ZBTB7C: variants seen among roughly 807,000 people sequenced by gnomAD.
ZBTB7C encodes the protein zinc finger and BTB domain-containing protein 7C.
A neutral mutation model predicts 25.7 loss-of-function variants in ZBTB7C; 8 were observed. That is an observed-to-expected ratio of 0.31 (90% CI 0.18 to 0.56). The LOEUF is 0.56. ZBTB7C is among the 20% of genes least tolerant of loss of function. The pLI, the probability that ZBTB7C is intolerant of heterozygous loss-of-function variation, is 0.91. For synonymous variants in ZBTB7C, 394 were observed against 369.0 expected (o/e 1.07, Z -0.78); for missense variants, 824 against 855.2 (o/e 0.96, Z 0.46).
At chr18:48,401,752 A>G (rs1415966040) in intron 1 of ZBTB7C, among the ~76,000 whole-genome samples, 1 of 152,020 alleles carries the variant, frequency 6.6e-6, no homozygotes. Flanking sequence ...TGACTCTGTG[A>G]GGCTCCACCC....
intron 1 of ZBTB7C, among the ~76,000 whole-genome samples, chr18:48,398,336 T>C (rs1006174922): frequency 6.6e-6 from 1 of 152,182 alleles, no homozygotes; most frequent in Non-Finnish European, 1.5e-5. Flanking sequence ...CTTACCAGAC[T>C]CTGAAGCCAG....
chr18:48,208,104 A>G (rs1281510221), intron 2 of ZBTB7C, among the ~76,000 whole-genome samples: 1 of 152,290 alleles, frequency 6.6e-6, no homozygotes, highest in East Asian at 1.9e-4. Flanking sequence ...ATAGCCAGGC[A>G]AGGTATAATG....
At chr18:48,186,718 AAGAC>A (rs2042064646) in intron 2 of ZBTB7C, among the ~76,000 whole-genome samples, 1 of 151,996 alleles carries the variant, frequency 6.6e-6, no homozygotes, top group Admixed American at 6.6e-5. Context: ...GTGATGCTTC[AAGAC>A]AGGATGCCCT....
At position 48,040,631 on chromosome 18, in the gene ZBTB7C, T is replaced by TTCCTCC. The variant is rs761290843; in HGVS notation, c.471_476dup (p.Glu161_Glu162dup). The TTCCTCC allele has an allele frequency of 1.2e-6, 2 of 1,610,610 alleles. No individual in the cohort carries two copies. Among genetic ancestry groups the TTCCTCC allele is most frequent in the South Asian group, 1.1e-5 (1 of 90,968 alleles). ...TGTCATCATCGTCATCCTCCTCCTC[T>TTCCTCC]TCCTCCTCCTCCTCTTCGTCCTCCT... On this transcript the variant is annotated inframe_insertion, in exon 4 of 5. Coordinates refer to ENST00000590800, the MANE Select transcript of ZBTB7C (RefSeq NM_001318841.2).
At chr18:48,360,221 T>G (rs2047071746) in intron 1 of ZBTB7C, among the ~76,000 whole-genome samples, 1 of 152,184 alleles carries the variant, frequency 6.6e-6, no homozygotes, top group African/African-American at 2.4e-5. Flanking sequence ...TCTATAAACA[T>G]TTGCACCTCC....
intron 1 of ZBTB7C, among the ~76,000 whole-genome samples, chr18:48,395,809 G>T (rs1185379142): frequency 6.6e-6 from 1 of 152,148 alleles, no homozygotes; most frequent in Non-Finnish European, 1.5e-5. Context: ...TCCAGAATCT[G>T]AGAAGAAGTA....
intron 3 of ZBTB7C, among the ~76,000 whole-genome samples, chr18:48,058,984 G>A (rs960735452): frequency 6.6e-6 from 1 of 152,208 alleles, no homozygotes; most frequent in African/African-American, 2.4e-5. Context: ...CTTCAGGACT[G>A]AAACCACATA....
chr18:48,195,065 A>G (rs2042286453), intron 2 of ZBTB7C, among the ~76,000 whole-genome samples: 1 of 152,204 alleles, frequency 6.6e-6, no homozygotes, highest in Non-Finnish European at 1.5e-5. Context: ...TAGGAGCTAA[A>G]GCCCTGGCAA....
chr18:48,238,140 T>A (rs1007364645), intron 2 of ZBTB7C, among the ~76,000 whole-genome samples: 1 of 151,028 alleles, frequency 6.6e-6, no homozygotes, highest in African/African-American at 2.4e-5. Context: ...GAAGGGGGAG[T>A]TTCCAGCGAT....
intron 2 of ZBTB7C, among the ~76,000 whole-genome samples, chr18:48,321,556 C>T (rs766348384): frequency 1.3e-5 from 2 of 152,230 alleles, no homozygotes; most frequent in Non-Finnish European, 2.9e-5. Flanking sequence ...CAAAGCTGCA[C>T]TGGACTGCTT....
rs1402753666 is a variant in ZBTB7C, at chr18:48,162,230, G to C, written c.-17+23704C>G. 8 of 393,440 alleles carry C rather than the reference G, an allele frequency of 2.0e-5. No homozygotes were observed. The East Asian group carries it at 6.0e-4, about 29-fold the overall frequency. 24.4% of individuals were successfully genotyped at this position (393,440 alleles called of 1,614,324 possible). On this transcript the variant is annotated intron_variant, in intron 3 of 4. Transcript: ENST00000590800. The stretch of plus-strand genomic sequence containing the variant: ...ACCCCTGGCCCCAGCCTCCTTCCCT[G>C]CAGCCTTCTACCTTCTACCGGAAAC...
chr18:48,105,663 T>C (rs567256494), intron 3 of ZBTB7C, among the ~76,000 whole-genome samples: 6 of 152,158 alleles, frequency 3.9e-5, no homozygotes, highest in African/African-American at 1.4e-4. Flanking sequence ...GGTGAAAACC[T>C]AACAACTAAG....
chr18:48,084,697 G>C (rs184816197), intron 3 of ZBTB7C, among the ~76,000 whole-genome samples: 1 of 152,212 alleles, frequency 6.6e-6, no homozygotes, highest in African/African-American at 2.4e-5. Flanking sequence ...CCGGGCCAGT[G>C]CTGGGCCTTC....
intron 3 of ZBTB7C, among the ~76,000 whole-genome samples, chr18:48,063,301 C>T (rs1289635780): frequency 1.3e-5 from 2 of 152,226 alleles, no homozygotes; most frequent in Non-Finnish European, 1.5e-5. Flanking sequence ...AGCGCAGGGG[C>T]TTTTCCCCCC....
chr18:48,375,739 T>C (rs187007134), intron 1 of ZBTB7C: 1 of 152,268 alleles, frequency 6.6e-6, no homozygotes, highest in Non-Finnish European at 1.5e-5. Flanking sequence ...TGCAGAATTG[T>C]GGTGAGGATT....
intron 3 of ZBTB7C, among the ~76,000 whole-genome samples, chr18:48,144,270 C>T (rs964099519): frequency 6.7e-6 from 1 of 148,246 alleles, no homozygotes; most frequent in African/African-American, 2.6e-5. Flanking sequence ...CAGAGCAAGA[C>T]ACCTTCTCAA....
At chr18:48,201,795 G>A (rs780558151) in intron 2 of ZBTB7C, among the ~76,000 whole-genome samples, 65 of 152,296 alleles carry the variant, frequency 4.3e-4, no homozygotes, top group Admixed American at 9.1e-4. Flanking sequence ...TCCGAGGCGC[G>A]CATCCCTCTC....
At chr18:48,163,421 G>T (rs2041137844) in intron 3 of ZBTB7C, among the ~76,000 whole-genome samples, 1 of 152,180 alleles carries the variant, frequency 6.6e-6, no homozygotes. Flanking sequence ...GCCACTCCTG[G>T]AGAGTGCAGG....
chr18:48,361,294 T>G (rs1415709992), intron 1 of ZBTB7C, among the ~76,000 whole-genome samples: 1 of 152,192 alleles, frequency 6.6e-6, no homozygotes, highest in Non-Finnish European at 1.5e-5. Flanking sequence ...CACTTCTTCC[T>G]CACAATGATC....
Sources: gnomAD v4.1 joint callset for allele counts (sites outside exome capture counted in the v4.1 genomes callset) on GRCh38, gnomAD v4.1.1 for gene constraint, MANE v1.5 for transcripts, NCBI Gene and HGNC (gene_info 2026-07-23, HGNC 2026-07-21) for gene names.